ARSH: variants seen among roughly 807,000 people sequenced by gnomAD.
The protein encoded by ARSH is arylsulfatase family member H, also known as arylsulfatase H.
A neutral mutation model predicts 28.7 loss-of-function variants in ARSH; 32 were observed. The ratio of observed to expected loss-of-function variants is 1.11; its 90% CI spans 0.84 to 1.50. ARSH has a LOEUF of 1.50. Ranked by LOEUF, ARSH falls within the 40% of genes most tolerant of loss-of-function variation. The pLI, the probability that ARSH is intolerant of heterozygous loss-of-function variation, is 0.00. For synonymous variants in ARSH, 176 were observed against 177.3 expected (o/e 0.99, Z 0.06); for missense variants, 440 against 452.4 (o/e 0.97, Z 0.25).
chrX:3,015,832 A>G (rs967350533), intron 4 of ARSH, among the ~76,000 whole-genome samples: 1 of 109,263 alleles, frequency 9.2e-6, no homozygotes, highest in Non-Finnish European at 1.9e-5. Flanking sequence ...AAAGCTGAGG[A>G]AAAAAAAACT....
chrX:3,031,963 T>G (rs1159561027), intron 8 of ARSH, among the ~76,000 whole-genome samples: 1 of 111,450 alleles, frequency 9.0e-6, no homozygotes, highest in African/African-American at 3.3e-5. Context: ...CTGCACTCCA[T>G]GCAGTAAGGA....
At chrX:3,029,511 G>A (rs2089908105) in intron 8 of ARSH, 143 bp downstream of exon 8, 2 of 663,052 alleles carry the variant, frequency 3.0e-6, no homozygotes, top group East Asian at 3.6e-5. Context: ...CATAAACAGT[G>A]CACTGCAGTA....
At position 3,027,550 on chromosome X, in the gene ARSH, T is replaced by C. The variant is rs149828887; in HGVS notation, c.1199+75T>C. On this transcript the variant is annotated intron_variant, in intron 7 of 8. Transcript: ENST00000381130. ...AGTGGATATACTTGATAATTCTATGTGTGTGTGTATGTACATAGTATATTA... is the reference window on the plus strand; with the variant it reads ...AGTGGATATACTTGATAATTCTATGCGTGTGTGTATGTACATAGTATATTA... 3.6e-3 allele frequency: 3,583 copies of C among 1,001,811 alleles called. 8 individuals are homozygous for C. The highest frequency in any genetic ancestry group is 4.6e-3 in the Non-Finnish European group (3,311 of 725,039). 82.6% of individuals were successfully genotyped at this position (1,001,811 alleles called of 1,213,427 possible).
intron 5 of ARSH, among the ~76,000 whole-genome samples, chrX:3,021,735 G>T (rs372832927): frequency 9.7e-6 from 1 of 103,529 alleles, no homozygotes; most frequent in African/African-American, 3.6e-5. Context: ...AAGACACAGG[G>T]TCTCACTCTT....
chrX:3,014,314 C>T (rs1261289283), intron 3 of ARSH, among the ~76,000 whole-genome samples: 4 of 111,246 alleles, frequency 3.6e-5, no homozygotes, highest in African/African-American at 9.8e-5. Flanking sequence ...AATAAAGGGT[C>T]TGGGAAGTGT....
At chrX:3,011,485 G>C (rs1464649764) in intron 2 of ARSH, among the ~76,000 whole-genome samples, 1 of 111,521 alleles carries the variant, frequency 9.0e-6, no homozygotes. Context: ...CTGGCCTCAT[G>C]TGTGATCCAC....
At chrX:3,013,006 C>G in intron 2 of ARSH, 41 bp from the exon 3 acceptor site, 2 of 1,186,405 alleles carry the variant, frequency 1.7e-6, no homozygotes, top group Non-Finnish European at 2.3e-6. Context: ...TCGGTATTAG[C>G]AAAGACTATG....
intron 2 of ARSH, 130 bp from the exon 3 acceptor site, chrX:3,012,917 A>G (rs2089854925): frequency 6.1e-6 from 5 of 814,203 alleles, no homozygotes; most frequent in Admixed American, 3.3e-5. Flanking sequence ...ACGTACAGCC[A>G]GAAAGCAACA....
chrX:3,033,134 C>G lies in ARSH; in HGVS notation c.1438C>G (p.Pro480Ala), dbSNP rs753927523. ...GGGGGATGTAACCTACCACGACCCACCACTCCTCTTTGACATCTCAAGAGA... is the reference window on the plus strand; with the variant it reads ...GGGGGATGTAACCTACCACGACCCAGCACTCCTCTTTGACATCTCAAGAGA... ...CSGDVTYHDP[P>A]LLFDISRDPS... Residue 480 changes from proline to alanine, a missense_variant, in exon 9 of 9, where the codon CCA becomes GCA. Transcript: ENST00000381130. 5.0e-6 allele frequency: 6 copies of G among 1,209,286 alleles called. No homozygotes were observed. In the East Asian group the frequency reaches 1.5e-4, roughly 30 times the overall value.
Position 3,027,448 on chromosome X carries a change from T to C in ARSH, c.1172T>C (p.Ile391Thr), listed in dbSNP as rs762219532. The change falls in exon 7 of 9, where the codon ATA (isoleucine) becomes ACA (threonine). Residue 391 changes from isoleucine to threonine, a missense_variant. Physicochemically the swap from Ile to Thr is moderately conservative, Grantham distance 89. Coordinates refer to ENST00000381130, the MANE Select transcript of ARSH (RefSeq NM_001011719.2). ...LMDIYPTLSY[I>T]GGGILSQDRV... Reference sequence around the variant, plus strand: ...GACATCTATCCGACGCTGTCTTATATAGGCGGAGGGATCTTGTCCCAGGAC... The same window carrying C: ...GACATCTATCCGACGCTGTCTTATACAGGCGGAGGGATCTTGTCCCAGGAC... 2 of 1,211,661 alleles carry C rather than the reference T, an allele frequency of 1.7e-6. No individual in the cohort carries two copies. Among genetic ancestry groups the C allele is most frequent in the Admixed American group, 2.2e-5 (1 of 46,008 alleles).
At chrX:3,012,553 AAAAAAAAAAAAAAAAATATATATAT>A (rs1359844759) in intron 2 of ARSH, among the ~76,000 whole-genome samples, 7 of 24,619 alleles carry the variant, frequency 2.8e-4, no homozygotes, top group African/African-American at 1.3e-3. Flanking sequence ...AAAAAAAAAA[AAAAAAAAAAAAAAAAATATATATAT>A]ATATATATAT....
rs1161369085 is a variant in ARSH, at chrX:3,033,563, A to C, written c.*178A>C. 3 of 447,583 alleles carry C rather than the reference A, an allele frequency of 6.7e-6. No individual in the cohort carries two copies. In the African/African-American group the frequency reaches 7.3e-5, roughly 11 times the overall value. 36.9% of individuals were successfully genotyped at this position (447,583 alleles called of 1,213,427 possible). ...TGAAATTAAAGTGGGCCCATATAAC[A>C]GTGAACCTGGAGGGGAGCATTTGTT... On this transcript the variant is annotated 3_prime_UTR_variant, in exon 9 of 9. Coordinates refer to ENST00000381130, the MANE Select transcript of ARSH (RefSeq NM_001011719.2).
intron 8 of ARSH, among the ~76,000 whole-genome samples, chrX:3,032,649 C>T (rs1343756535): frequency 8.9e-6 from 1 of 111,828 alleles, no homozygotes; most frequent in African/African-American, 3.2e-5. Flanking sequence ...ATTAACTTTG[C>T]CAAATTACTT....
chrX:3,032,577 G>A (rs1199618108), intron 8 of ARSH, among the ~76,000 whole-genome samples: 1 of 107,594 alleles, frequency 9.3e-6, no homozygotes, highest in Non-Finnish European at 1.9e-5. Flanking sequence ...GAAAGAGGGA[G>A]GGAGGAAGGG....
At chrX:3,015,532 T>A in intron 4 of ARSH, 139 bp downstream of exon 4, 2 of 605,793 alleles carry the variant, frequency 3.3e-6, no homozygotes, top group South Asian at 3.1e-5. Flanking sequence ...GTTCCTGTAT[T>A]AATTTGCTTA....
At chrX:3,032,958 GAA>G in intron 8 of ARSH, 58 bp from the exon 9 acceptor site, 2 of 1,134,397 alleles carry the variant, frequency 1.8e-6, no homozygotes, top group Admixed American at 2.8e-5. Flanking sequence ...CATCTTTAAC[GAA>G]AAGAGTCCTA....
intron 6 of ARSH, among the ~76,000 whole-genome samples, chrX:3,027,061 G>A (rs1188062118): frequency 2.7e-5 from 3 of 110,380 alleles, no homozygotes; most frequent in African/African-American, 9.9e-5. Flanking sequence ...GGGTTTAAGC[G>A]ATTCTCCTGC....
intron 5 of ARSH, among the ~76,000 whole-genome samples, chrX:3,020,041 T>G (rs770786644): frequency 7.3e-5 from 8 of 108,847 alleles, no homozygotes; most frequent in Middle Eastern, 4.6e-3. Context: ...GCCCCAGCAC[T>G]TTTGGAGGTT....
rs754255087 is a variant in ARSH, at chrX:3,006,654, A to C, written c.42A>C (p.Ala14=). 29 of 1,209,472 alleles carry C rather than the reference A, an allele frequency of 2.4e-5. No homozygotes were observed. The South Asian group carries it at 3.0e-4, about 12-fold the overall frequency. ...NARPNIVLLM[A]DDLGVGDLCC... ...GACCCAACATTGTCCTGCTGATGGCAGATGACCTTGGAGTGGGGGATTTGT... is the reference window on the plus strand; with the variant it reads ...GACCCAACATTGTCCTGCTGATGGCCGATGACCTTGGAGTGGGGGATTTGT... The change falls in exon 1 of 9, where the codon GCA becomes GCC. Residue 14 remains alanine, a synonymous_variant. Transcript: ENST00000381130.
Sources: gnomAD v4.1 joint callset for allele counts (sites outside exome capture counted in the v4.1 genomes callset) on GRCh38, gnomAD v4.1.1 for gene constraint, MANE v1.5 for transcripts, NCBI Gene and HGNC (gene_info 2026-07-23, HGNC 2026-07-21) for gene names.